JHY: variants seen among roughly 807,000 people sequenced by gnomAD.
JHY encodes junctional cadherin complex regulator, also known as jhy protein homolog.
JHY carries 69 observed loss-of-function variants against 78.0 expected under a neutral mutation model. That is an observed-to-expected ratio of 0.88 (90% confidence interval 0.73 to 1.08). The LOEUF (loss-of-function observed/expected upper bound fraction) is 1.08. JHY is among the 50% of genes least tolerant of loss of function. The pLI, the probability that JHY is intolerant of heterozygous loss-of-function variation, is 0.00. For missense variants in JHY, 944 were observed against 927.8 expected, an observed-to-expected ratio of 1.02 and a Z score of -0.23; for synonymous variants, 368 against 342.6, an observed-to-expected ratio of 1.07 and a Z score of -0.82.
intron 3 of JHY, among the ~76,000 whole-genome samples, chr11:122,904,866 C>G (rs541223740): frequency 1.3e-5 from 2 of 152,244 alleles, no homozygotes; most frequent in Non-Finnish European, 2.9e-5. Flanking sequence ...TCCTTTGTTA[C>G]CACCATAGCA....
rs1864196442 is a variant in JHY at position 122,956,553 on chromosome 11, G to A, written c.1987G>A (p.Asp663Asn). The A allele has an allele frequency of 6.2e-7, 1 of 1,613,518 alleles. No individual in the cohort carries two copies. The highest frequency in any genetic ancestry group is 1.7e-5 in the Admixed American group (1 of 59,984). Residue 663 changes from aspartate to asparagine, a missense_variant, in exon 7 of 9, where the codon GAC (aspartate) becomes AAC (asparagine). Physicochemically the swap from Asp to Asn is conservative, Grantham distance 23. Transcript: ENST00000227349. Reference sequence around the variant, plus strand: ...CGTGAAGCTTGGAGGCCTCGGACCTGACTTTGAGTCCATCAGAGACAAAGT... The same window carrying A: ...CGTGAAGCTTGGAGGCCTCGGACCTAACTTTGAGTCCATCAGAGACAAAGT... ...RDVKLGGLGPDFESIRDKTQK... is the reference protein window; with the variant it reads ...RDVKLGGLGPNFESIRDKTQK...
rs114655120 is a variant in JHY at position 122,959,377 on chromosome 11, A to C, written c.2269A>C (p.Ile757Leu). Residue 757 changes from isoleucine to leucine, a missense_variant, in exon 9 of 9, where the codon ATA becomes CTA. Ile to Leu is a conservative substitution (Grantham distance 5). Transcript: ENST00000227349. ...TTTACCTGAAATCTCACTGCTGGAA[A>C]TACTGCAGAACAGACACGAAAGGGA... is the stretch of plus-strand genomic sequence containing the variant. ...ESLPEISLLE[I>L]LQNRHEREKQ... 3,679 of 1,614,180 alleles carry C rather than the reference A, an allele frequency of 2.3e-3. 68 individuals carry two copies. The African/African-American group carries it at 0.041, about 18-fold the overall frequency.
At chr11:122,903,831 G>T in intron 2 of JHY, 94 bp from the exon 3 acceptor site, 1 of 1,452,464 alleles carries the variant, frequency 6.9e-7, no homozygotes. Context: ...ATAGGAGAAA[G>T]ACTGAGATTG....
chr11:122,901,121 A>G (rs559223051), intron 2 of JHY, among the ~76,000 whole-genome samples: 1 of 152,342 alleles, frequency 6.6e-6, no homozygotes, highest in African/African-American at 2.4e-5. Context: ...CAATTTGTGC[A>G]ATGTGTTACT....
chr11:122,953,724 G>T (rs1864140491), intron 6 of JHY, among the ~76,000 whole-genome samples: 1 of 152,148 alleles, frequency 6.6e-6, no homozygotes, highest in South Asian at 2.1e-4. Context: ...TTGCTGAGTA[G>T]TGACTTCTGT....
intron 5 of JHY, among the ~76,000 whole-genome samples, chr11:122,941,318 C>T (rs768243210): frequency 6.6e-6 from 1 of 152,194 alleles, no homozygotes; most frequent in African/African-American, 2.4e-5. Context: ...CTAGTGGGGT[C>T]ACACAGATAC....
chr11:122,947,299 A>G (rs1442083455), intron 6 of JHY: 1 of 152,458 alleles, frequency 6.6e-6, no homozygotes, highest in Non-Finnish European at 1.5e-5. Flanking sequence ...TCTCACCCCA[A>G]CTTCTGCAGT....
intron 3 of JHY, among the ~76,000 whole-genome samples, chr11:122,922,662 T>C (rs1298000362): frequency 6.6e-6 from 1 of 151,752 alleles, no homozygotes; most frequent in Non-Finnish European, 1.5e-5. Context: ...TACAAAAAAT[T>C]AGCCGGGGGT....
At chr11:122,896,745 AG>A in intron 2 of JHY, among the ~76,000 whole-genome samples, 1 of 152,344 alleles carries the variant, frequency 6.6e-6, no homozygotes, top group African/African-American at 2.4e-5. Context: ...TGTGACGTAC[AG>A]CAAGCAAGGC....
intron 3 of JHY, among the ~76,000 whole-genome samples, chr11:122,922,925 C>T (rs1863407572): frequency 6.6e-6 from 1 of 151,518 alleles, no homozygotes; most frequent in Non-Finnish European, 1.5e-5. Context: ...CTCCACTACA[C>T]AGCCCACCAG....
chr11:122,899,327 C>CA (rs893469098), intron 2 of JHY, among the ~76,000 whole-genome samples: 90 of 151,444 alleles, frequency 5.9e-4, no homozygotes, highest in Non-Finnish European at 8.3e-4. Flanking sequence ...CCTTTCTTTA[C>CA]AAAAAAAAAT....
rs746783478 is a variant in JHY at position 122,886,074 on chromosome 11, C to T, written c.225C>T (p.Asp75=). The T allele has an allele frequency of 8.7e-6, 14 of 1,614,052 alleles. No homozygotes were observed. The highest frequency in any genetic ancestry group is 1.3e-5 in the African/African-American group (1 of 74,990). ...RGNGMEPDSL[D]EEESPRWGSL... ...ACGGTATGGAGCCCGACAGCTTAGA[C>T]GAGGAGGAAAGCCCTCGATGGGGAA... The change falls in exon 2 of 9, where the codon GAC becomes GAT. Residue 75 remains aspartate, a synonymous_variant. Coordinates refer to ENST00000227349, the MANE Select transcript of JHY (RefSeq NM_024806.4).
intron 2 of JHY, among the ~76,000 whole-genome samples, chr11:122,895,063 T>C (rs145191310): frequency 2.7e-4 from 41 of 152,366 alleles, no homozygotes; most frequent in African/African-American, 9.1e-4. Flanking sequence ...TTTATTTACT[T>C]AAAAGCTATT....
In JHY at chr11:122,904,450, TAGTGGC is replaced by T; in HGVS notation, c.864+7_864+12del. ...GGGAATCTCATCCAGAACAGGTACG[TAGTGGC>T]TACTTTAAAATGTCTTCTGAAACAT... On this transcript the variant is annotated splice_region_variant and intron_variant, in intron 3 of 8. Coordinates refer to ENST00000227349, the MANE Select transcript of JHY (RefSeq NM_024806.4). 1 of 1,596,718 alleles carries T rather than the reference TAGTGGC, an allele frequency of 6.3e-7. No homozygotes were observed. Among genetic ancestry groups the T allele is most frequent in the South Asian group, 1.1e-5 (1 of 89,492 alleles).
At chr11:122,907,809 G>C (rs1414232309) in intron 3 of JHY, among the ~76,000 whole-genome samples, 1 of 148,870 alleles carries the variant, frequency 6.7e-6, no homozygotes, top group African/African-American at 2.5e-5. Flanking sequence ...CTCCAGCCTG[G>C]GCAACAAGAG....
At chr11:122,914,718 C>T (rs781109210) in intron 3 of JHY, among the ~76,000 whole-genome samples, 6 of 152,120 alleles carry the variant, frequency 3.9e-5, no homozygotes, top group Non-Finnish European at 8.8e-5. Flanking sequence ...GCTTGGATTA[C>T]AGGTGTGAGC....
At chr11:122,895,852 T>C (rs1221918310) in intron 2 of JHY, among the ~76,000 whole-genome samples, 1 of 152,240 alleles carries the variant, frequency 6.6e-6, no homozygotes, top group Non-Finnish European at 1.5e-5. Context: ...ACAAGCTCAG[T>C]ACAATGGGGT....
chr11:122,934,473 A>C lies in JHY; in HGVS notation c.1032A>C (p.Pro344=). The stretch of plus-strand genomic sequence containing the variant: ...AAAGTACAAAATCAAGCAATGTACC[A>C]AGAGGGCAACCTTCTGACATGGTGA... ...QYESTKSSNV[P]RGQPSDMVND... is the part of the protein sequence containing the mutation. Residue 344 remains proline (P), a synonymous_variant, in exon 5 of 9, where the codon CCA becomes CCC. Coordinates refer to ENST00000227349, the MANE Select transcript of JHY (RefSeq NM_024806.4). The C allele has an allele frequency of 6.2e-7, 1 of 1,614,006 alleles. No individual in the cohort carries two copies. Among genetic ancestry groups the C allele is most frequent in the Non-Finnish European group, 8.5e-7 (1 of 1,179,896 alleles).
In JHY at chr11:122,887,973, G is replaced by A. The variant is rs139280019; in HGVS notation, c.344+1780G>A. ...TGGGATACAGTCACTGCAAGGGCTC[G>A]TGTGGGAGCGAGAAGTAGAGCCCGG... is the stretch of plus-strand genomic sequence containing the variant. On this transcript the variant is annotated intron_variant, in intron 2 of 8. Coordinates refer to ENST00000227349, the MANE Select transcript of JHY (RefSeq NM_024806.4). Among the ~76,000 whole-genome samples, 297 of 152,186 alleles carry A rather than the reference G, an allele frequency of 2.0e-3. 1 individual carries two copies. The highest frequency in any genetic ancestry group is 0.01 in the Middle Eastern group (3 of 294).
Sources: allele counts gnomAD v4.1 joint callset (sites outside exome capture counted in the v4.1 genomes callset), GRCh38; gene constraint gnomAD v4.1.1; transcripts MANE v1.5; gene names NCBI Gene and HGNC (gene_info 2026-07-23, HGNC 2026-07-21).